Variants in HAUS7 observed in about 807,000 individuals in gnomAD.
HAUS7 encodes HAUS augmin like complex subunit 7.
HAUS7 carries 3 observed loss-of-function variants against 28.4 expected under a neutral mutation model. The observed-to-expected ratio is 0.11, with a 90% CI of 0.05 to 0.27. The LOEUF (loss-of-function observed/expected upper bound fraction) is 0.27. HAUS7 is among the 10% of genes least tolerant of loss of function. HAUS7 has a pLI of 1.00. For synonymous variants in HAUS7, 165 were observed against 132.1 expected (o/e 1.25, Z -1.71); for missense variants, 284 against 297.3 (o/e 0.96, Z 0.33).
intron 1 of HAUS7, among the ~76,000 whole-genome samples, chrX:153,477,747 G>C (rs140047601): frequency 0.04 from 4,514 of 112,372 alleles, 223 homozygotes; most frequent in African/African-American, 0.14. Flanking sequence ...TGACTCCCTA[G>C]ATGGTCCCTG....
At chrX:153,458,797 G>A (rs1017640626) in intron 4 of HAUS7, among the ~76,000 whole-genome samples, 3 of 111,274 alleles carry the variant, frequency 2.7e-5, no homozygotes, top group African/African-American at 9.8e-5. Context: ...TTGCTCTGTC[G>A]CTCAGGCTGG....
rs782288643 is a variant in HAUS7 at position 153,470,534 on chromosome X, G to A, written c.24C>T (p.Cys8=). ...CTGAGTAGTCGTCGCCGCCACGGCC[G>A]CAGCCAGCGTCCTGCCCCGCCATGT... The part of the protein sequence containing the change: MAGQDAG[C]GRGGDDYSED... Residue 8 remains cysteine, a synonymous_variant, in exon 1 of 10, where the codon TGC becomes TGT. Transcript: ENST00000370211. 16 of 1,193,516 alleles carry A rather than the reference G, an allele frequency of 1.3e-5. No homozygotes were observed. In the Admixed American group the frequency reaches 1.6e-4, roughly 12 times the overall value.
At chrX:153,460,403 C>T (rs1019315697) in intron 4 of HAUS7, among the ~76,000 whole-genome samples, 1 of 111,519 alleles carries the variant, frequency 9.0e-6, no homozygotes. Flanking sequence ...AAATTGAGGA[C>T]GAAGTATCAG....
chrX:153,457,212 T>C lies in HAUS7; in HGVS notation c.371A>G (p.Gln124Arg). Residue 124 changes from glutamine to arginine, a missense_variant, in exon 5 of 10, where the codon CAG becomes CGG. Coordinates refer to ENST00000370211, the MANE Select transcript of HAUS7 (RefSeq NM_001385482.1). Reference sequence around the variant, plus strand: ...CTGGTCCATGAAGTGTAGCTGCTTCTGGGCGCAGGCACAGCCCTGGGCAAG... The same window carrying C: ...CTGGTCCATGAAGTGTAGCTGCTTCCGGGCGCAGGCACAGCCCTGGGCAAG... ...QELLKGCACA[Q>R]KQLHFMDQLL... 8.4e-7 allele frequency: 1 copy of C among 1,193,745 alleles called. No homozygotes were observed. Among genetic ancestry groups the C allele is most frequent in the Non-Finnish European group, 1.1e-6 (1 of 878,787 alleles).
At chrX:153,469,851 G>A (rs1413945329) in intron 1 of HAUS7, among the ~76,000 whole-genome samples, 1 of 111,385 alleles carries the variant, frequency 9.0e-6, no homozygotes, top group Admixed American at 9.5e-5. Flanking sequence ...TGAGGGAAAG[G>A]GGAGAGGGAA....
At position 153,447,760 on chromosome X, in the gene HAUS7, G is replaced by A. The variant is rs781950474; in HGVS notation, c.*118C>T. ...CAAAGGTCCCTGCCTAGAGCACAAC[G>A]TGGGGCTGCAACGGCTTCTGCTGCC... On this transcript the variant is annotated 3_prime_UTR_variant, in exon 10 of 10. Transcript: ENST00000370211. 16 of 627,408 alleles carry A rather than the reference G, an allele frequency of 2.6e-5. No individual in the cohort carries two copies. Among genetic ancestry groups the A allele is most frequent in the African/African-American group, 6.5e-5 (3 of 46,435 alleles). 51.7% of individuals were successfully genotyped at this position (627,408 alleles called of 1,213,427 possible). A position where few individuals can be genotyped will look rare whatever the true frequency, so the allele number is the denominator to read the frequency against.
At chrX:153,469,071 C>A in intron 2 of HAUS7, 75 bp downstream of exon 2, 1 of 581,252 alleles carries the variant, frequency 1.7e-6, no homozygotes, top group Admixed American at 2.4e-5. Context: ...AACCACAAAC[C>A]CCATCTTCCC....
chrX:153,474,851 C>A (rs1359886486), upstream of HAUS7, among the ~76,000 whole-genome samples: 1 of 110,895 alleles, frequency 9.0e-6, no homozygotes, highest in African/African-American at 3.3e-5. Context: ...CAGGCGGCGG[C>A]AAAGGAAACG....
intron 4 of HAUS7, among the ~76,000 whole-genome samples, chrX:153,460,498 A>G (rs2089374282): frequency 1.8e-5 from 2 of 110,829 alleles, no homozygotes; most frequent in Admixed American, 1.9e-4. Flanking sequence ...TGGACCGCAC[A>G]CTTAAAAATG....
intron 9 of HAUS7, among the ~76,000 whole-genome samples, chrX:153,449,290 T>C (rs1556980688): frequency 8.9e-6 from 1 of 112,331 alleles, no homozygotes; most frequent in East Asian, 2.8e-4. Flanking sequence ...AGGGTGACTC[T>C]GAAGCTCAGG....
intron 2 of HAUS7, among the ~76,000 whole-genome samples, chrX:153,466,922 C>T (rs782069316): frequency 2.7e-5 from 3 of 112,006 alleles, no homozygotes; most frequent in Admixed American, 9.4e-5. Flanking sequence ...TTCCAAAATC[C>T]GAAGAAATCG....
intron 5 of HAUS7, 69 bp from the exon 6 acceptor site, chrX:153,456,720 A>C: frequency 1.1e-6 from 1 of 898,939 alleles, no homozygotes; most frequent in Non-Finnish European, 1.6e-6. Flanking sequence ...CCTCAGCCCC[A>C]CAGGGAAGGC....
At chrX:153,469,476 C>T (rs190621686) in intron 1 of HAUS7, among the ~76,000 whole-genome samples, 3 of 112,304 alleles carry the variant, frequency 2.7e-5, no homozygotes, top group East Asian at 2.8e-4. Flanking sequence ...TACAGGCATG[C>T]GCCACCACGC....
rs1186178494 is a variant in HAUS7, at chrX:153,451,297, G to C, written c.1045+3097C>G. On this transcript the variant is annotated intron_variant, in intron 9 of 9. Coordinates refer to ENST00000370211, the MANE Select transcript of HAUS7 (RefSeq NM_001385482.1). ...GTCACAGGTGAGATGGCACACTGTT[G>C]CGAATACCAATGATCATTATAAGAA... Among the ~76,000 whole-genome samples the C allele has an allele frequency of 1.1e-4, 12 of 112,761 alleles. 1 individual carries two copies. The highest frequency in any genetic ancestry group is 9.3e-4 in the Admixed American group (10 of 10,697).
chrX:153,477,882 G>A (rs782255060), intron 1 of HAUS7, among the ~76,000 whole-genome samples: 5 of 112,145 alleles, frequency 4.5e-5, no homozygotes, highest in African/African-American at 1.6e-4. Flanking sequence ...TGGAGCGGCA[G>A]CTCCTCAAGG....
At chrX:153,487,872 G>A (rs976032150) in intron 1 of HAUS7, among the ~76,000 whole-genome samples, 3 of 112,805 alleles carry the variant, frequency 2.7e-5, no homozygotes, top group Admixed American at 1.9e-4. Flanking sequence ...CTGGGTCTGC[G>A]GAGCCCTCGA....
Position 153,470,468 on chromosome X carries a change from C to G in HAUS7, c.90G>C (p.Glu30Asp). Residue 30 changes from glutamate (E) to aspartate (D), a missense_variant, in exon 1 of 10, where the codon GAG (glutamate) becomes GAC (aspartate). By Grantham distance (45) the Glu-to-Asp change is conservative (BLOSUM62 2). Coordinates refer to ENST00000370211, the MANE Select transcript of HAUS7 (RefSeq NM_001385482.1). ...ACAGCACCTTCAGCTTCCCGAACAC[C>G]TCCACAGCCGCCCTGGACACGCTGC... The part of the protein sequence containing the change: ...GDSSVSRAAV[E>D]VFGKLKDLNC... 8.3e-7 allele frequency: 1 copy of G among 1,209,446 alleles called. No individual in the cohort carries two copies. The highest frequency in any genetic ancestry group is 1.8e-5 in the South Asian group (1 of 56,754).
intron 1 of HAUS7, among the ~76,000 whole-genome samples, chrX:153,484,273 C>T (rs1362631131): frequency 2.7e-5 from 3 of 112,644 alleles, no homozygotes; most frequent in Non-Finnish European, 5.6e-5. Context: ...GACATCCTCC[C>T]CTGCAATCCT....
chrX:153,451,404 A>C (rs2089237913), intron 9 of HAUS7, among the ~76,000 whole-genome samples: 2 of 112,418 alleles, frequency 1.8e-5, no homozygotes. Flanking sequence ...GATTAGGATA[A>C]ACGCTATAAT....
Sources: gnomAD v4.1 joint callset for allele counts (sites outside exome capture counted in the v4.1 genomes callset) on GRCh38, gnomAD v4.1.1 for gene constraint, MANE v1.5 for transcripts, NCBI Gene and HGNC (gene_info 2026-07-23, HGNC 2026-07-21) for gene names.